Variants in KCNB2 observed in about 807,000 individuals in gnomAD.
KCNB2 encodes the protein delayed rectifier potassium channel protein.
Under a neutral mutation model 61.5 loss-of-function variants are expected in KCNB2, and 15 were observed. That is an observed-to-expected ratio of 0.24 (90% CI 0.16 to 0.38). KCNB2 has a LOEUF of 0.38. KCNB2 is among the 10% of genes least tolerant of loss of function. KCNB2 has a pLI of 1.00. For synonymous variants in KCNB2, 457 were observed against 446.0 expected, an observed-to-expected ratio of 1.02 and a Z score of -0.31; for missense variants, 828 against 1,125.2, an observed-to-expected ratio of 0.74 and a Z score of 3.78.
intron 2 of KCNB2, among the ~76,000 whole-genome samples, chr8:72,637,292 C>T (rs538822944): frequency 3.1e-4 from 47 of 152,288 alleles, no homozygotes; most frequent in African/African-American, 1.1e-3. Flanking sequence ...CTGTATTTTA[C>T]AGTGGCCTGG....
chr8:72,595,022 C>T (rs1325632702), intron 2 of KCNB2, among the ~76,000 whole-genome samples: 2 of 152,142 alleles, frequency 1.3e-5, no homozygotes, highest in African/African-American at 4.8e-5. Context: ...GAGGATTGTT[C>T]TTCATAGTTT....
At chr8:72,935,750 C>T (rs1806891162) in intron 2 of KCNB2, among the ~76,000 whole-genome samples, 185 bp from the exon 3 acceptor site, 1 of 152,120 alleles carries the variant, frequency 6.6e-6, no homozygotes, top group Non-Finnish European at 1.5e-5. Flanking sequence ...TTTAAATATA[C>T]ATTAGGCTTC....
intron 2 of KCNB2, among the ~76,000 whole-genome samples, chr8:72,929,956 C>T (rs144772725): frequency 8.5e-6 from 1 of 117,190 alleles, no homozygotes; most frequent in South Asian, 3.8e-4. Context: ...CCCCTCCCCC[C>T]ACCCCACAAC....
chr8:72,831,494 T>C (rs1420686037), intron 2 of KCNB2, among the ~76,000 whole-genome samples: 3 of 152,170 alleles, frequency 2.0e-5, no homozygotes, highest in African/African-American at 7.2e-5. Flanking sequence ...TTAGGGAAAG[T>C]TAAATGGGAC....
intron 2 of KCNB2, among the ~76,000 whole-genome samples, chr8:72,803,074 T>C (rs1009218611): frequency 2.0e-5 from 3 of 152,148 alleles, no homozygotes; most frequent in Non-Finnish European, 4.4e-5. Flanking sequence ...TGCTGACAAC[T>C]GTAGCTCTGT....
At chr8:72,702,000 C>A (rs1203799946) in intron 2 of KCNB2, among the ~76,000 whole-genome samples, 1 of 152,082 alleles carries the variant, frequency 6.6e-6, no homozygotes, top group African/African-American at 2.4e-5. Context: ...TAGCTTTCTT[C>A]TTTTCAATTA....
intron 2 of KCNB2, among the ~76,000 whole-genome samples, chr8:72,730,777 GC>G (rs1554587452): frequency 6.6e-6 from 1 of 152,048 alleles, no homozygotes; most frequent in Non-Finnish European, 1.5e-5. Context: ...GTGTAATTAA[GC>G]CCAATGTTGA....
chr8:72,661,575 T>C (rs1806382689), intron 2 of KCNB2: 1 of 152,248 alleles, frequency 6.6e-6, no homozygotes, highest in South Asian at 2.1e-4. Context: ...GTTTAATGTG[T>C]TTGTTTCTTT....
chr8:72,771,528 A>G (rs766834175), intron 2 of KCNB2, among the ~76,000 whole-genome samples: 8 of 152,120 alleles, frequency 5.3e-5, no homozygotes, highest in Admixed American at 2.0e-4. Flanking sequence ...TACTGTTTTT[A>G]TATTAGGTTG....
At chr8:72,806,015 T>A (rs1249481672) in intron 2 of KCNB2, among the ~76,000 whole-genome samples, 1 of 152,126 alleles carries the variant, frequency 6.6e-6, no homozygotes, top group African/African-American at 2.4e-5. Flanking sequence ...GGGGCAGCAA[T>A]AGACTTTGTA....
At chr8:72,588,169 C>G (rs1430282837) in intron 2 of KCNB2, among the ~76,000 whole-genome samples, 2 of 150,722 alleles carry the variant, frequency 1.3e-5, no homozygotes, top group East Asian at 3.9e-4. Context: ...TTTTTATTTT[C>G]TAAGTTTTCT....
At chr8:72,631,384 G>T (rs561234894) in intron 2 of KCNB2, among the ~76,000 whole-genome samples, 2 of 152,152 alleles carry the variant, frequency 1.3e-5, no homozygotes, top group African/African-American at 4.8e-5. Flanking sequence ...AGCGTCTGGT[G>T]GTTTGCTGGC....
chr8:72,763,155 T>C (rs1403314944), intron 2 of KCNB2, among the ~76,000 whole-genome samples: 1 of 151,928 alleles, frequency 6.6e-6, no homozygotes, highest in Non-Finnish European at 1.5e-5. Flanking sequence ...AAAGGGCTTC[T>C]CTCTAGAGTT....
At chr8:72,647,613 G>A (rs1339230074) in intron 2 of KCNB2, among the ~76,000 whole-genome samples, 1 of 151,992 alleles carries the variant, frequency 6.6e-6, no homozygotes, top group Non-Finnish European at 1.5e-5. Context: ...CACTGACAGT[G>A]GGGGGCAGAA....
intron 2 of KCNB2, among the ~76,000 whole-genome samples, chr8:72,845,263 G>A (rs1585927247): frequency 6.6e-6 from 1 of 152,180 alleles, no homozygotes; most frequent in Admixed American, 6.5e-5. Context: ...TATCACCAGC[G>A]GAGGCTGCAG....
At chr8:72,588,303 C>G (rs2128981168) in intron 2 of KCNB2, among the ~76,000 whole-genome samples, 1 of 150,958 alleles carries the variant, frequency 6.6e-6, no homozygotes, top group South Asian at 2.1e-4. Flanking sequence ...ACCGCATCCT[C>G]CCCATCCCAG....
At position 72,537,518 on chromosome 8, in the gene KCNB2, CTT is replaced by C. The variant is rs1464795502; in HGVS notation, c.-460_-459del. 2.0e-5 allele frequency: 3 copies of C among 152,564 alleles called. No homozygotes were observed. Among genetic ancestry groups the C allele is most frequent in the Non-Finnish European group, 4.4e-5 (3 of 68,374 alleles). 9.5% of individuals were successfully genotyped at this position (152,564 alleles called of 1,614,324 possible). A position where few individuals can be genotyped will look rare whatever the true frequency, so the allele number is the denominator to read the frequency against. Reference sequence around the variant, plus strand: ...TTTTCCTCTTCTGTTCCAGCCCTCTCTTGTCTGGGTGGCTGTGGCGGCGGCAG... The same window carrying C: ...TTTTCCTCTTCTGTTCCAGCCCTCTCGTCTGGGTGGCTGTGGCGGCGGCAG... On this transcript the variant is annotated 5_prime_UTR_variant, in exon 1 of 3. Coordinates refer to ENST00000523207, the MANE Select transcript of KCNB2 (RefSeq NM_004770.3).
At chr8:72,843,170 T>C (rs1456919442) in intron 2 of KCNB2, among the ~76,000 whole-genome samples, 3 of 152,212 alleles carry the variant, frequency 2.0e-5, no homozygotes, top group Non-Finnish European at 1.5e-5. Context: ...AACTTATTTA[T>C]TTCTGCCTTA....
intron 2 of KCNB2, among the ~76,000 whole-genome samples, chr8:72,575,756 G>A (rs1806784987): frequency 6.6e-6 from 1 of 152,084 alleles, no homozygotes; most frequent in Non-Finnish European, 1.5e-5. Flanking sequence ...ATAATTTAGA[G>A]CAAAAAATAG....
Sources: allele counts gnomAD v4.1 joint callset (sites outside exome capture counted in the v4.1 genomes callset), GRCh38; gene constraint gnomAD v4.1.1; transcripts MANE v1.5; gene names NCBI Gene and HGNC (gene_info 2026-07-23, HGNC 2026-07-21).